RMRP: variants seen among roughly 807,000 people sequenced by gnomAD.
RMRP encodes the protein RNase MRP RNA.
chr9:35,657,932 C>T (rs572893111), exon 1 of RMRP: 9 of 700,410 alleles, frequency 1.3e-5, no homozygotes, highest in South Asian at 3.0e-5. Context: ...ACTCTCTGCC[C>T]GAGGTCCGGG....
In RMRP at chr9:35,657,831, A is replaced by G. The variant is rs1227147763; in HGVS notation, n.187T>C. ...CGTAACTAGAGGGAGCTGACGGATG[A>G]CGCCCCCGCGCCACGCCGCTCAGCG... On this transcript the variant is annotated non_coding_transcript_exon_variant, in exon 1 of 1. Transcript: ENST00000363046. The G allele has an allele frequency of 4.3e-6, 3 of 693,034 alleles. No individual in the cohort carries two copies. The highest frequency in any genetic ancestry group is 3.7e-4 in the Middle Eastern group (1 of 2,730). The allele number at this position is 693,034 out of a possible 1,614,324, so 42.9% of individuals were successfully genotyped here.
chr9:35,657,971 A>AT lies in RMRP; in HGVS notation n.46_47insA, dbSNP rs761721915. The AT allele has an allele frequency of 7.1e-6, 5 of 700,352 alleles. No homozygotes were observed. The South Asian group carries it at 7.4e-5, about 10-fold the overall frequency. The allele number at this position is 700,352 out of a possible 1,614,324, so 43.4% of individuals were successfully genotyped here. The stretch of plus-strand genomic sequence containing the variant: ...TTTCCCCTAGGCGGAAAGGGGAGGA[A>AT]CAGAGTCCTCAGTGTGTAGCCTAGG... On this transcript the variant is annotated non_coding_transcript_exon_variant, in exon 1 of 1. Transcript: ENST00000363046.
rs775287390 is a variant in RMRP, at chr9:35,657,912, T to TA, written n.105_106insT. ...GAAGCGGGGAATGTCTACGTGCGTA[T>TA]GCACGTGGCACTCTCTGCCCGAGGT... is the stretch of plus-strand genomic sequence containing the variant. On this transcript the variant is annotated non_coding_transcript_exon_variant, in exon 1 of 1. Coordinates refer to ENST00000363046, the Ensembl canonical transcript of RMRP. 6.6e-5 allele frequency: 46 copies of TA among 699,918 alleles called. No individual in the cohort carries two copies. In the East Asian group the frequency reaches 1.0e-3, roughly 16 times the overall value. The allele number at this position is 699,918 out of a possible 1,614,324, so 43.4% of individuals were successfully genotyped here.
exon 1 of RMRP, chr9:35,657,861 A>G (rs1000522852): frequency 4.3e-6 from 3 of 694,212 alleles, no homozygotes; most frequent in African/African-American, 3.9e-5. Flanking sequence ...TCAGCGGGAT[A>G]CGCTTCTTGG....
chr9:35,657,810 A>G lies in RMRP; in HGVS notation n.208T>C, dbSNP rs1219992892. 5 of 692,570 alleles carry G rather than the reference A, an allele frequency of 7.2e-6. No individual in the cohort carries two copies. The highest frequency in any genetic ancestry group is 2.0e-5 in the African/African-American group (1 of 50,198). The allele number at this position is 692,570 out of a possible 1,614,324, so 42.9% of individuals were successfully genotyped here. On this transcript the variant is annotated non_coding_transcript_exon_variant, in exon 1 of 1. Transcript: ENST00000363046. ...TGCGCGGACACGCACTGCCTGCGTAACTAGAGGGAGCTGACGGATGACGCC... is the reference window on the plus strand; with the variant it reads ...TGCGCGGACACGCACTGCCTGCGTAGCTAGAGGGAGCTGACGGATGACGCC...
At chr9:35,657,903 A>T in exon 1 of RMRP, 4 of 698,918 alleles carry the variant, frequency 5.7e-6, no homozygotes, top group East Asian at 2.7e-5. Context: ...GGGAATGTCT[A>T]CGTGCGTATG....
In RMRP at chr9:35,657,876, C is replaced by T. The variant is rs113967059; in HGVS notation, n.142G>A. 3.0e-5 allele frequency: 21 copies of T among 700,470 alleles called. No individual in the cohort carries two copies. The highest frequency in any genetic ancestry group is 6.0e-5 in the Admixed American group (3 of 50,014). 43.4% of individuals were successfully genotyped at this position (700,470 alleles called of 1,614,324 possible). A position where few individuals can be genotyped will look rare whatever the true frequency, so the allele number is the denominator to read the frequency against. On this transcript the variant is annotated non_coding_transcript_exon_variant, in exon 1 of 1. Coordinates refer to ENST00000363046, the Ensembl canonical transcript of RMRP. ...TCAGCGGGATACGCTTCTTGGCGGA[C>T]TTTGGAGTGGGAAGCGGGGAATGTC...
chr9:35,657,840 C>A, exon 1 of RMRP: 1 of 693,478 alleles, frequency 1.4e-6, no homozygotes, highest in East Asian at 2.7e-5. Flanking sequence ...GACGCCCCCG[C>A]GCCACGCCGC....
upstream of RMRP, chr9:35,658,019 A>ACGTCCTCAGCTTCACAGAGG: frequency 1.4e-6 from 1 of 690,034 alleles, no homozygotes. Flanking sequence ...AGCACGAACC[A>ACGTCCTCAGCTTCACAGAGG]CGTCCTCAGC....
At position 35,658,010 on chromosome 9, in the gene RMRP, G is replaced by A. The variant is rs893651141; in HGVS notation, n.8C>T. The A allele has an allele frequency of 2.2e-5, 15 of 692,466 alleles. No homozygotes were observed. The highest frequency in any genetic ancestry group is 8.8e-5 in the African/African-American group (5 of 57,016). 42.9% of individuals were successfully genotyped at this position (692,466 alleles called of 1,614,324 possible). On this transcript the variant is annotated non_coding_transcript_exon_variant, in exon 1 of 1. Transcript: ENST00000363046. ...GTGTAGCCTAGGATACAGGCCTTCAGCACGAACCACGTCCTCAGCTTCACA... is the reference window on the plus strand; with the variant it reads ...GTGTAGCCTAGGATACAGGCCTTCAACACGAACCACGTCCTCAGCTTCACA...
exon 1 of RMRP, chr9:35,657,935 G>T (rs1282617590): frequency 1.4e-6 from 1 of 700,468 alleles, no homozygotes; most frequent in South Asian, 1.5e-5. Context: ...CTCTGCCCGA[G>T]GTCCGGGGAC....
exon 1 of RMRP, chr9:35,657,906 T>A: frequency 1.4e-6 from 1 of 699,148 alleles, no homozygotes; most frequent in Non-Finnish European, 2.6e-6. Flanking sequence ...AATGTCTACG[T>A]GCGTATGCAC....
exon 1 of RMRP, chr9:35,657,899 G>C: frequency 1.4e-6 from 1 of 698,120 alleles, no homozygotes; most frequent in Non-Finnish European, 2.6e-6. Flanking sequence ...AGCGGGGAAT[G>C]TCTACGTGCG....
rs915919453 is a variant in RMRP at position 35,657,921 on chromosome 9, C to T, written n.97G>A. 5 of 700,428 alleles carry T rather than the reference C, an allele frequency of 7.1e-6. No homozygotes were observed. The highest frequency in any genetic ancestry group is 1.0e-5 in the Non-Finnish European group (4 of 384,822). 43.4% of individuals were successfully genotyped at this position (700,428 alleles called of 1,614,324 possible). On this transcript the variant is annotated non_coding_transcript_exon_variant, in exon 1 of 1. Coordinates refer to ENST00000363046, the Ensembl canonical transcript of RMRP. Reference sequence around the variant, plus strand: ...AATGTCTACGTGCGTATGCACGTGGCACTCTCTGCCCGAGGTCCGGGGACT... The same window carrying T: ...AATGTCTACGTGCGTATGCACGTGGTACTCTCTGCCCGAGGTCCGGGGACT...
At position 35,657,923 on chromosome 9, in the gene RMRP, C is replaced by T. The variant is rs970510851; in HGVS notation, n.95G>A. On this transcript the variant is annotated non_coding_transcript_exon_variant, in exon 1 of 1. Coordinates refer to ENST00000363046, the Ensembl canonical transcript of RMRP. ...TGTCTACGTGCGTATGCACGTGGCA[C>T]TCTCTGCCCGAGGTCCGGGGACTTT... 1.7e-5 allele frequency: 12 copies of T among 700,336 alleles called. No homozygotes were observed. Among genetic ancestry groups the T allele is most frequent in the Non-Finnish European group, 2.1e-5 (8 of 384,828 alleles). 43.4% of individuals were successfully genotyped at this position (700,336 alleles called of 1,614,324 possible).
exon 1 of RMRP, chr9:35,657,943 G>GA: frequency 1.4e-6 from 1 of 700,468 alleles, no homozygotes; most frequent in Non-Finnish European, 2.6e-6. Context: ...GAGGTCCGGG[G>GA]ACTTTCCCCT....
chr9:35,657,979 C>T (rs1383653721), exon 1 of RMRP: 4 of 700,308 alleles, frequency 5.7e-6, no homozygotes, highest in Admixed American at 2.0e-5. Context: ...GAACAGAGTC[C>T]TCAGTGTGTA....
Position 35,657,858 on chromosome 9 carries a change from G to A in RMRP, n.160C>T, listed in dbSNP as rs751373603. 8 of 700,472 alleles carry A rather than the reference G, an allele frequency of 1.1e-5. No homozygotes were observed. Among genetic ancestry groups the A allele is most frequent in the South Asian group, 4.4e-5 (3 of 67,514 alleles). 43.4% of individuals were successfully genotyped at this position (700,472 alleles called of 1,614,324 possible). Reference sequence around the variant, plus strand: ...GCCCCCGCGCCACGCCGCTCAGCGGGATACGCTTCTTGGCGGACTTTGGAG... The same window carrying A: ...GCCCCCGCGCCACGCCGCTCAGCGGAATACGCTTCTTGGCGGACTTTGGAG... On this transcript the variant is annotated non_coding_transcript_exon_variant, in exon 1 of 1. Transcript: ENST00000363046.
In RMRP at chr9:35,657,927, C is replaced by T. The variant is rs940193083; in HGVS notation, n.91G>A. The T allele has an allele frequency of 1.0e-5, 7 of 700,468 alleles. No individual in the cohort carries two copies. The highest frequency in any genetic ancestry group is 1.8e-5 in the Non-Finnish European group (7 of 384,828). 43.4% of individuals were successfully genotyped at this position (700,468 alleles called of 1,614,324 possible). ...TACGTGCGTATGCACGTGGCACTCT[C>T]TGCCCGAGGTCCGGGGACTTTCCCC... On this transcript the variant is annotated non_coding_transcript_exon_variant, in exon 1 of 1. Transcript: ENST00000363046.
Sources: allele counts gnomAD v4.1 joint callset, GRCh38; gene constraint gnomAD v4.1.1; transcripts MANE v1.5; gene names NCBI Gene and HGNC (gene_info 2026-07-23, HGNC 2026-07-21).